NHSL1: variants seen among roughly 807,000 people sequenced by gnomAD.
The protein encoded by NHSL1 is NHS-like protein 1.
Under a neutral mutation model 95.0 loss-of-function variants are expected in NHSL1, and 48 were observed. The observed-to-expected ratio is 0.51, with a 90% CI of 0.40 to 0.64. The LOEUF is 0.64. Among genes scored for constraint, NHSL1 ranks in the 30% least tolerant of loss-of-function variants. The pLI, the probability that NHSL1 is intolerant of heterozygous loss-of-function variation, is 0.00. For synonymous variants in NHSL1, 783 were observed against 833.9 expected, an observed-to-expected ratio of 0.94 and a Z score of 1.05; for missense variants, 1,971 against 2,077.7, an observed-to-expected ratio of 0.95 and a Z score of 1.00.
intron 1 of NHSL1, among the ~76,000 whole-genome samples, chr6:138,663,038 C>T (rs193081567): frequency 8.8e-6 from 1 of 114,016 alleles, no homozygotes; most frequent in African/African-American, 3.8e-5. Flanking sequence ...GCTACATGTG[C>T]AAATATGTTC....
In NHSL1 at chr6:138,469,449, C is replaced by A. The variant is rs1299037403; in HGVS notation, c.339+3857G>T. On this transcript the variant is annotated intron_variant, in intron 3 of 7. Coordinates refer to ENST00000343505, the MANE Select transcript of NHSL1 (RefSeq NM_001144060.2). Reference sequence around the variant, plus strand: ...TATAGTTAAGAAGAACAAGGCTGAGCGCGATGACTCACGCCTGTAAGCCTA... The same window carrying A: ...TATAGTTAAGAAGAACAAGGCTGAGAGCGATGACTCACGCCTGTAAGCCTA... 2.0e-5 allele frequency among the ~76,000 whole-genome samples: 3 copies of A among 152,158 alleles called. No individual in the cohort carries two copies. In the East Asian group the frequency reaches 5.8e-4, roughly 29 times the overall value.
rs561646001 is a variant in NHSL1 at position 138,598,284 on chromosome 6, C to A, written c.96+94192G>T. Among the ~76,000 whole-genome samples, 5 of 152,134 alleles carry A rather than the reference C, an allele frequency of 3.3e-5. No individual in the cohort carries two copies. In the South Asian group the frequency reaches 1.0e-3, roughly 32 times the overall value. ...GACCCGTCAGGCCAACATGGTGAAA[C>A]CCTGTCTCTACAAAAATACAAAAAT... On this transcript the variant is annotated intron_variant, in intron 1 of 3. Coordinates refer to the NHSL1 transcript ENST00000491526.
chr6:138,501,301 T>A (rs116034126), upstream of NHSL1, among the ~76,000 whole-genome samples: 685 of 152,300 alleles, frequency 4.5e-3, 8 homozygotes, highest in African/African-American at 0.016. Context: ...TTGGGATACA[T>A]CATTGGACAA....
At chr6:138,609,331 T>C (rs991989154) in intron 1 of NHSL1, among the ~76,000 whole-genome samples, 15 of 152,294 alleles carry the variant, frequency 9.8e-5, no homozygotes, top group African/African-American at 3.4e-4. Flanking sequence ...TCGAGGCTGC[T>C]TGGGAAAGCT....
chr6:138,684,952 TTTATAC>T lies in NHSL1; in HGVS notation c.96+7518_96+7523del, dbSNP rs542013396. ...CCTAGTTAGGTGCAAGTCATTTTAT[TTTATAC>T]TTATAACGATTTTTTTTTTCTTTTT... On this transcript the variant is annotated intron_variant, in intron 1 of 3. Coordinates refer to the NHSL1 transcript ENST00000491526. Among the ~76,000 whole-genome samples, 275 of 152,326 alleles carry T rather than the reference TTTATAC, an allele frequency of 1.8e-3. 2 individuals carry two copies. The highest frequency in any genetic ancestry group is 6.3e-3 in the African/African-American group (261 of 41,572).
chr6:138,431,207 G>T lies in NHSL1; in HGVS notation c.3138C>A (p.Ser1046=). 3.9e-6 allele frequency: 6 copies of T among 1,536,830 alleles called. No homozygotes were observed. The highest frequency in any genetic ancestry group is 5.3e-6 in the Non-Finnish European group (6 of 1,138,132). ...PPFTNSGQPE[S]SRGSLRPPST... ...AAGGCGGCCTCAAGGATCCCCGGGAGGATTCTGGCTGGCCAGAATTTGTGA... is the reference window on the plus strand; with the variant it reads ...AAGGCGGCCTCAAGGATCCCCGGGATGATTCTGGCTGGCCAGAATTTGTGA... Residue 1046 remains serine, a synonymous_variant, in exon 6 of 8, where the codon TCC becomes TCA. Transcript: ENST00000343505. This position sits in a 1 kb window ranked among gnomAD's most constrained non-coding sequence, Gnocchi z 4.0.
At chr6:138,539,932 C>A (rs1302651139) in intron 1 of NHSL1, among the ~76,000 whole-genome samples, 1 of 151,986 alleles carries the variant, frequency 6.6e-6, no homozygotes, top group Non-Finnish European at 1.5e-5. Flanking sequence ...TTTGACTACT[C>A]ATGGAAGGAA....
chr6:138,528,887 G>A (rs1379005304), intron 1 of NHSL1, among the ~76,000 whole-genome samples: 2 of 152,114 alleles, frequency 1.3e-5, no homozygotes, highest in South Asian at 2.1e-4. Context: ...TTTGAGGTTC[G>A]AGGGAGCCTT....
chr6:138,454,535 T>C (rs576858686), intron 3 of NHSL1, among the ~76,000 whole-genome samples: 1 of 152,304 alleles, frequency 6.6e-6, no homozygotes, highest in African/African-American at 2.4e-5. Context: ...GAGTCGTAAG[T>C]CTAGGTTTAA....
intron 1 of NHSL1, among the ~76,000 whole-genome samples, chr6:138,617,651 C>A (rs1457682892): frequency 6.6e-6 from 1 of 152,238 alleles, no homozygotes; most frequent in Non-Finnish European, 1.5e-5. Context: ...AATGCGCACG[C>A]AGACACACAT....
intron 7 of NHSL1, among the ~76,000 whole-genome samples, chr6:138,426,019 G>A (rs1476699403): frequency 2.0e-5 from 3 of 152,154 alleles, no homozygotes. Context: ...GAACCTCACT[G>A]TTCAATGTGC....
chr6:138,643,953 G>A (rs1005095137), intron 1 of NHSL1, among the ~76,000 whole-genome samples: 2 of 150,804 alleles, frequency 1.3e-5, no homozygotes, highest in East Asian at 1.9e-4. Flanking sequence ...AGCCCAGACT[G>A]TGCCACTGCA....
chr6:138,501,348 A>G (rs976838970), upstream of NHSL1, among the ~76,000 whole-genome samples: 2 of 152,196 alleles, frequency 1.3e-5, no homozygotes, highest in Non-Finnish European at 2.9e-5. Context: ...AGCTTAAATT[A>G]TTTGACACTG....
intron 1 of NHSL1, among the ~76,000 whole-genome samples, chr6:138,592,171 T>A (rs745796634): frequency 1.3e-5 from 2 of 152,190 alleles, no homozygotes; most frequent in Non-Finnish European, 2.9e-5. Flanking sequence ...ACCCATATTA[T>A]CACTTTTCAA....
chr6:138,690,258 A>G (rs1043031958), intron 1 of NHSL1, among the ~76,000 whole-genome samples: 4 of 152,340 alleles, frequency 2.6e-5, no homozygotes, highest in African/African-American at 7.2e-5. Context: ...GCATTGTTTT[A>G]AAAGAATCCT....
chr6:138,651,818 A>C (rs1039960810), intron 1 of NHSL1, among the ~76,000 whole-genome samples: 3 of 152,212 alleles, frequency 2.0e-5, no homozygotes, highest in Admixed American at 2.0e-4. Context: ...ATTATGACCA[A>C]ACATAAATGA....
chr6:138,661,421 G>A (rs1170372360), intron 1 of NHSL1, among the ~76,000 whole-genome samples: 4 of 151,778 alleles, frequency 2.6e-5, no homozygotes, highest in Non-Finnish European at 5.9e-5. Context: ...CTTGAACCCG[G>A]GAAGCGGAGG....
chr6:138,532,358 G>T (rs1042524677), intron 1 of NHSL1, among the ~76,000 whole-genome samples: 1 of 152,220 alleles, frequency 6.6e-6, no homozygotes, highest in African/African-American at 2.4e-5. Context: ...TTTTTAACCA[G>T]AGAAGAAACA....
At chr6:138,590,228 C>T (rs1466625355) in intron 1 of NHSL1, among the ~76,000 whole-genome samples, 1 of 152,186 alleles carries the variant, frequency 6.6e-6, no homozygotes, top group Non-Finnish European at 1.5e-5. Flanking sequence ...AAACTCCTGA[C>T]CTCAGGTGAT....
Sources: gnomAD v4.1 joint callset for allele counts (sites outside exome capture counted in the v4.1 genomes callset) on GRCh38, gnomAD v4.1.1 for gene constraint, Gnocchi (gnomAD v3.1) non-coding constraint, MANE v1.5 for transcripts, NCBI Gene and HGNC (gene_info 2026-07-23, HGNC 2026-07-21) for gene names.